The following IL1RN variants were observed in gnomAD, a reference collection of about 807,000 sequenced individuals.
IL1RN encodes the protein interleukin-1 receptor antagonist protein.
IL1RN carries 10 observed loss-of-function variants against 13.7 expected under a neutral mutation model. That is an observed-to-expected ratio of 0.73 (90% CI 0.45 to 1.24). The LOEUF is 1.24. Ranked by LOEUF, IL1RN falls within the 50% of genes most tolerant of loss-of-function variation. The pLI, the probability that IL1RN is intolerant of heterozygous loss-of-function variation, is 0.00. For synonymous variants in IL1RN, 102 were observed against 82.7 expected, an observed-to-expected ratio of 1.23 and a Z score of -1.27; for missense variants, 213 against 222.1, an observed-to-expected ratio of 0.96 and a Z score of 0.26.
chr2:113,122,997 A>C (rs1178859310), upstream of IL1RN, among the ~76,000 whole-genome samples: 1 of 152,124 alleles, frequency 6.6e-6, no homozygotes, highest in Non-Finnish European at 1.5e-5. Flanking sequence ...TGGTGGCACA[A>C]GCCTGTAATC....
chr2:113,122,299 A>T (rs1193753667), intron 2 of IL1RN, among the ~76,000 whole-genome samples: 3 of 152,060 alleles, frequency 2.0e-5, no homozygotes, highest in African/African-American at 7.2e-5. Context: ...TGCAAGGGGG[A>T]TGAAACTTGT....
At chr2:113,127,319 G>A (rs1314626275), upstream of IL1RN, 5 of 296,272 alleles carry the variant, frequency 1.7e-5, no homozygotes, top group Non-Finnish European at 2.5e-5. Context: ...GGAACAGTAG[G>A]GAGTTTGGTT....
chr2:113,131,015 A>T, intron 2 of IL1RN, 30 bp from the exon 3 acceptor site: 1 of 1,370,150 alleles, frequency 7.3e-7, no homozygotes, highest in Non-Finnish European at 1.0e-6. Flanking sequence ...CTCTTCTATT[A>T]ACCTGACCCT....
chr2:113,099,846 T>A, the IL1RN span, among the ~76,000 whole-genome samples: 1 of 144,874 alleles, frequency 6.9e-6, no homozygotes, highest in Non-Finnish European at 1.5e-5. Flanking sequence ...GCCCTTCTCC[T>A]GCCTCAGCCT....
In IL1RN at chr2:113,127,634, T is replaced by C; in HGVS notation, c.10T>C (p.Cys4Arg). ...TTGCTGCAGTCACAGAATGGAAATC[T>C]GCAGAGGCCTCCGCAGTCACCTAAT... MEI[C>R]RGLRSHLITL... is the part of the protein sequence containing the mutation. Residue 4 changes from cysteine to arginine, a missense_variant, in exon 1 of 4, where the codon TGC (cysteine) becomes CGC (arginine). Transcript: ENST00000409930. The C allele has an allele frequency of 6.2e-7, 1 of 1,614,058 alleles. No homozygotes were observed. The highest frequency in any genetic ancestry group is 8.5e-7 in the Non-Finnish European group (1 of 1,179,972).
At chr2:113,128,191 G>A (rs3087263) in intron 1 of IL1RN, among the ~76,000 whole-genome samples, 9,576 of 152,308 alleles carry the variant, frequency 0.063, 395 homozygotes, top group Non-Finnish European at 0.098. Context: ...TGAGAGTCAC[G>A]ATAACTCCTT....
intron 2 of IL1RN, among the ~76,000 whole-genome samples, chr2:113,121,063 C>CTCTTCTTCTTCT (rs1686762131): frequency 7.6e-5 from 9 of 119,172 alleles, no homozygotes; most frequent in Non-Finnish European, 1.7e-4. Flanking sequence ...CTTCTTCCTC[C>CTCTTCTTCTTCT]TCCTCCTCCT....
intron 1 of IL1RN, 33 bp downstream of exon 1, chr2:113,127,773 T>A: frequency 6.2e-7 from 1 of 1,603,974 alleles, no homozygotes; most frequent in South Asian, 1.1e-5. Context: ...AAGGTGAGGG[T>A]GGATCAGCTG....
upstream of IL1RN, chr2:113,117,863 C>T (rs1045348184): frequency 6.7e-6 from 5 of 750,662 alleles, no homozygotes; most frequent in African/African-American, 6.9e-5. Context: ...TGGGCTCCTC[C>T]TTGTACTCTC....
chr2:113,128,992 C>G lies in IL1RN; in HGVS notation c.117-584C>G, dbSNP rs140012415. ...AGGTCACCAGCTAATGGAGGAAAGGCTCTAGGGAAAGACCCTTCTGGTCTC... is the reference window on the plus strand; with the variant it reads ...AGGTCACCAGCTAATGGAGGAAAGGGTCTAGGGAAAGACCCTTCTGGTCTC... On this transcript the variant is annotated intron_variant, in intron 1 of 3. Coordinates refer to ENST00000409930, the MANE Select transcript of IL1RN (RefSeq NM_173842.3). 4.6e-5 allele frequency among the ~76,000 whole-genome samples: 7 copies of G among 152,320 alleles called. No individual in the cohort carries two copies. The South Asian group carries it at 8.3e-4, about 18-fold the overall frequency.
At chr2:113,122,583 C>A (rs767659540) in intron 2 of IL1RN, among the ~76,000 whole-genome samples, 1 of 152,180 alleles carries the variant, frequency 6.6e-6, no homozygotes, top group Non-Finnish European at 1.5e-5. Context: ...CACTGCCCTG[C>A]CTTCAGAGTC....
chr2:113,131,281 A>T (rs1573308807), intron 3 of IL1RN, 124 bp downstream of exon 3: 2 of 720,116 alleles, frequency 2.8e-6, no homozygotes, highest in African/African-American at 3.5e-5. Flanking sequence ...ATGTGGTGGA[A>T]CATGCTGGGG....
At chr2:113,115,384 T>C (rs1686572839), upstream of IL1RN, 3 of 152,122 alleles carry the variant, frequency 2.0e-5, no homozygotes, top group Admixed American at 6.5e-5. Context: ...GCTTCACCTG[T>C]GACTGTCTCA....
rs4252007 is a variant in IL1RN, at chr2:113,128,105, G to A, written c.116+365G>A. On this transcript the variant is annotated intron_variant, in intron 1 of 3. Coordinates refer to ENST00000409930, the MANE Select transcript of IL1RN (RefSeq NM_173842.3). ...CGAAGGCCCAGACTGATATGGGCAA[G>A]GCCTGTCTGTGCTGACATGTCGGAG... 3.5e-3 allele frequency among the ~76,000 whole-genome samples: 536 copies of A among 152,342 alleles called. 1 individual carries two copies. Among genetic ancestry groups the A allele is most frequent in the African/African-American group, 0.012 (491 of 41,582 alleles).
At chr2:113,129,545 T>G in intron 1 of IL1RN, 31 bp from the exon 2 acceptor site, 1 of 1,381,002 alleles carries the variant, frequency 7.2e-7, no homozygotes, top group Non-Finnish European at 1.0e-6. Context: ...ATGGTGGCTG[T>G]GCACTACAGC....
At chr2:113,112,333 C>G (rs1227163670) in intron 1 of IL1RN, among the ~76,000 whole-genome samples, 1 of 152,176 alleles carries the variant, frequency 6.6e-6, no homozygotes, top group Non-Finnish European at 1.5e-5. Context: ...AAAATCAGCT[C>G]TCCAACTTCC....
the IL1RN span, among the ~76,000 whole-genome samples, chr2:113,101,734 T>C: frequency 6.6e-6 from 1 of 152,186 alleles, no homozygotes; most frequent in Non-Finnish European, 1.5e-5. Context: ...AGAAGGCAGA[T>C]TGGAGCTGGG....
At position 113,120,988 on chromosome 2, in the gene IL1RN, C is replaced by T. The variant is rs553622203; in HGVS notation, c.73+860C>T. ...CTTCTTCTTCTTCTTCTTCTTCCTCCCCCTTCTCCTCTTCTTCTTCCTCCT... is the reference window on the plus strand; with the variant it reads ...CTTCTTCTTCTTCTTCTTCTTCCTCTCCCTTCTCCTCTTCTTCTTCCTCCT... On this transcript the variant is annotated intron_variant, in intron 2 of 5. Coordinates refer to the IL1RN transcript ENST00000259206. 8.6e-5 allele frequency among the ~76,000 whole-genome samples: 13 copies of T among 151,344 alleles called. No homozygotes were observed. In the East Asian group the frequency reaches 2.3e-3, roughly 27 times the overall value.
the IL1RN span, among the ~76,000 whole-genome samples, chr2:113,100,814 G>A: frequency 6.6e-6 from 1 of 152,210 alleles, no homozygotes; most frequent in Admixed American, 6.5e-5. Flanking sequence ...CAAGTGACCT[G>A]TGAGGAGGAG....
Sources: allele counts gnomAD v4.1 joint callset (sites outside exome capture counted in the v4.1 genomes callset), GRCh38; gene constraint gnomAD v4.1.1; transcripts MANE v1.5; gene names NCBI Gene and HGNC (gene_info 2026-07-23, HGNC 2026-07-21).